SAMD5: variants seen among roughly 807,000 people sequenced by gnomAD.
The protein encoded by SAMD5 is sterile alpha motif domain-containing protein 5.
In SAMD5, 13 loss-of-function variants were observed where a neutral mutation model predicts 11.3. The ratio of observed to expected loss-of-function variants is 1.15; its 90% confidence interval spans 0.75 to 1.83. The LOEUF (loss-of-function observed/expected upper bound fraction) is 1.83. Among genes scored for constraint, SAMD5 ranks in the 40% most tolerant of loss-of-function variants. The pLI is 0.00. For synonymous variants in SAMD5, 129 were observed against 111.3 expected (o/e 1.16, Z -1.00); for missense variants, 255 against 239.1 (o/e 1.07, Z -0.44).
At chr6:147,514,683 TA>T (rs1562310079) in intron 1 of SAMD5, among the ~76,000 whole-genome samples, 1 of 152,030 alleles carries the variant, frequency 6.6e-6, no homozygotes, top group Non-Finnish European at 1.5e-5. Flanking sequence ...GGCTCTAGGG[TA>T]AATAGTGTGG....
chr6:147,765,106 C>T, the SAMD5 span, among the ~76,000 whole-genome samples: 51 of 152,250 alleles, frequency 3.3e-4, 1 homozygote, highest in East Asian at 2.9e-3. Flanking sequence ...CTAAATGGCT[C>T]TGTAAAGAAA....
intron 1 of SAMD5, among the ~76,000 whole-genome samples, chr6:147,675,333 G>A (rs1790847428): frequency 6.6e-6 from 1 of 152,136 alleles, no homozygotes; most frequent in Non-Finnish European, 1.5e-5. Flanking sequence ...CCACAAGTAA[G>A]CTCTGAAATG....
intron 1 of SAMD5, among the ~76,000 whole-genome samples, chr6:147,512,277 G>C (rs77741128): frequency 6.6e-6 from 1 of 152,130 alleles, no homozygotes; most frequent in Admixed American, 6.5e-5. Flanking sequence ...TATTTTTGAT[G>C]TGCATTTGGA....
At chr6:147,886,194 A>G in the SAMD5 span, among the ~76,000 whole-genome samples, 1 of 152,116 alleles carries the variant, frequency 6.6e-6, no homozygotes, top group Non-Finnish European at 1.5e-5. Flanking sequence ...ATATTAAGGG[A>G]TTCTAAAAAT....
the SAMD5 span, among the ~76,000 whole-genome samples, chr6:147,744,929 G>A: frequency 0.015 from 780 of 52,210 alleles, 12 homozygotes; most frequent in African/African-American, 0.063. Context: ...AAATAAGTAA[G>A]TAAAAGAGAC....
chr6:147,712,584 A>C (rs1791414988), intron 1 of SAMD5, among the ~76,000 whole-genome samples: 1 of 152,060 alleles, frequency 6.6e-6, no homozygotes, highest in Admixed American at 6.5e-5. Context: ...GGCCTTTGGG[A>C]GACAAATAAG....
intron 1 of SAMD5, among the ~76,000 whole-genome samples, chr6:147,509,599 T>C (rs1421069207): frequency 6.6e-6 from 1 of 152,144 alleles, no homozygotes; most frequent in Non-Finnish European, 1.5e-5. Flanking sequence ...AGCCCCCGCA[T>C]CCAGATGTTA....
the SAMD5 span, among the ~76,000 whole-genome samples, chr6:147,880,741 T>C: frequency 6.6e-6 from 1 of 152,184 alleles, no homozygotes; most frequent in African/African-American, 2.4e-5. Flanking sequence ...CTCCTCCTTG[T>C]CGTTCAGCCT....
chr6:147,565,894 C>A lies in SAMD5; in HGVS notation c.*1438C>A, dbSNP rs1211384998. The A allele has an allele frequency of 2.0e-6, 2 of 985,216 alleles. No homozygotes were observed. Among genetic ancestry groups the A allele is most frequent in the Non-Finnish European group, 2.4e-6 (2 of 829,910 alleles). The allele number at this position is 985,216 out of a possible 1,614,324, so 61.0% of individuals were successfully genotyped here. ...TGAGGCTGTCAATTGTTTAGAGCTC[C>A]CAAGTAGTACTGCATTACGGAATCT... is the stretch of plus-strand genomic sequence containing the variant. On this transcript the variant is annotated 3_prime_UTR_variant, in exon 2 of 2. Transcript: ENST00000367474.
rs73008120 is a variant in SAMD5, at chr6:147,635,211, C to T, written c.163-102106C>T. Among the ~76,000 whole-genome samples, 1,150 of 141,146 alleles carry T rather than the reference C, an allele frequency of 8.1e-3. 4 individuals carry two copies. Among genetic ancestry groups the T allele is most frequent in the Non-Finnish European group, 0.01 (662 of 63,376 alleles). The allele number at this position is 141,146 out of a possible 152,430, so 92.6% of individuals were successfully genotyped here. On this transcript the variant is annotated intron_variant, in intron 1 of 1. Transcript: ENST00000566741. Reference sequence around the variant, plus strand: ...CTGTAACTTGTCACTACCCTCATCGCCGTCATCACTGTTGTCACCACCACC... The same window carrying T: ...CTGTAACTTGTCACTACCCTCATCGTCGTCATCACTGTTGTCACCACCACC...
chr6:147,641,210 C>A (rs1380032099), intron 1 of SAMD5, among the ~76,000 whole-genome samples: 1 of 152,158 alleles, frequency 6.6e-6, no homozygotes, highest in Non-Finnish European at 1.5e-5. Flanking sequence ...ATTAAGATAT[C>A]TGATTCAAAT....
the SAMD5 span, among the ~76,000 whole-genome samples, chr6:147,906,968 C>A: frequency 2.6e-5 from 4 of 152,284 alleles, no homozygotes; most frequent in African/African-American, 9.6e-5. Flanking sequence ...ATAGCCAGTG[C>A]AATAGCTGCC....
chr6:147,533,648 C>G (rs992596787), intron 1 of SAMD5, among the ~76,000 whole-genome samples: 1 of 151,816 alleles, frequency 6.6e-6, no homozygotes, highest in Admixed American at 6.6e-5. Context: ...GGATGTGTGT[C>G]TCCCCTCTCC....
intron 1 of SAMD5, among the ~76,000 whole-genome samples, chr6:147,736,062 G>A (rs1791799052): frequency 6.6e-6 from 1 of 152,150 alleles, no homozygotes; most frequent in South Asian, 2.1e-4. Context: ...ACTTGGCACA[G>A]TTAAGAGACT....
At chr6:147,593,992 G>T (rs563855324) in intron 1 of SAMD5, among the ~76,000 whole-genome samples, 1 of 152,070 alleles carries the variant, frequency 6.6e-6, no homozygotes, top group East Asian at 1.9e-4. Context: ...GCCTGGCTTG[G>T]TGTGCAGGTG....
At chr6:147,812,332 CA>C in the SAMD5 span, among the ~76,000 whole-genome samples, 1 of 151,934 alleles carries the variant, frequency 6.6e-6, no homozygotes, top group East Asian at 1.9e-4. Context: ...TTTCCATTCT[CA>C]GGGGTCAGTT....
At chr6:147,924,910 G>C in the SAMD5 span, among the ~76,000 whole-genome samples, 2 of 152,010 alleles carry the variant, frequency 1.3e-5, no homozygotes, top group Non-Finnish European at 1.5e-5. Flanking sequence ...TGTAAAATTT[G>C]AAATTGTGAC....
intron 1 of SAMD5, among the ~76,000 whole-genome samples, chr6:147,585,833 A>G (rs1168472344): frequency 6.6e-6 from 1 of 152,202 alleles, no homozygotes; most frequent in East Asian, 1.9e-4. Flanking sequence ...GAGAGAATAT[A>G]TACATACATT....
intron 1 of SAMD5, among the ~76,000 whole-genome samples, chr6:147,595,734 C>A (rs1789521900): frequency 2.6e-5 from 4 of 151,884 alleles, no homozygotes; most frequent in Admixed American, 2.6e-4. Flanking sequence ...ACCATGTTGG[C>A]CAGGAGGGTC....
Sources: allele counts gnomAD v4.1 joint callset (sites outside exome capture counted in the v4.1 genomes callset), GRCh38; gene constraint gnomAD v4.1.1; transcripts MANE v1.5; gene names NCBI Gene and HGNC (gene_info 2026-07-23, HGNC 2026-07-21).